Variants in LARGE1 observed in about 807,000 individuals in gnomAD.
LARGE1 encodes LARGE xylosyl- and glucuronyltransferase 1, also known as xylosyl- and glucuronyltransferase LARGE1.
Under a neutral mutation model 87.6 loss-of-function variants are expected in LARGE1, and 43 were observed. That is an observed-to-expected ratio of 0.49 (90% CI 0.38 to 0.63). The LOEUF (loss-of-function observed/expected upper bound fraction) is 0.63, where lower values mean the gene tolerates loss of function less well. Among genes scored for constraint, LARGE1 ranks in the 30% least tolerant of loss-of-function variants. LARGE1 has a pLI of 0.00. For missense variants in LARGE1, 802 were observed against 1,000.2 expected, an observed-to-expected ratio of 0.80 and a Z score of 2.67; for synonymous variants, 434 against 394.6, an observed-to-expected ratio of 1.10 and a Z score of -1.18.
intron 5 of LARGE1, among the ~76,000 whole-genome samples, chr22:33,572,417 A>G (rs1445232569): frequency 1.3e-5 from 2 of 152,178 alleles, no homozygotes; most frequent in Non-Finnish European, 2.9e-5. Context: ...GGCTGGCCCA[A>G]TTCTGAATCC....
At chr22:33,111,351 T>C in the LARGE1 span, among the ~76,000 whole-genome samples, 7 of 152,188 alleles carry the variant, frequency 4.6e-5, no homozygotes, top group Non-Finnish European at 7.4e-5. Context: ...TAACCCTTTG[T>C]TGCTAAGGAT....
At chr22:33,506,399 C>T (rs1288407613) in intron 6 of LARGE1, among the ~76,000 whole-genome samples, 1 of 152,124 alleles carries the variant, frequency 6.6e-6, no homozygotes, top group Non-Finnish European at 1.5e-5. Context: ...CAGAGACATG[C>T]TGTTCCTGTG....
chr22:33,458,056 G>A (rs1015443377), intron 6 of LARGE1, among the ~76,000 whole-genome samples: 35 of 151,782 alleles, frequency 2.3e-4, no homozygotes, highest in African/African-American at 8.5e-4. Context: ...CATCTAACTT[G>A]GTGCCAGATA....
intron 6 of LARGE1, among the ~76,000 whole-genome samples, chr22:33,453,587 T>C (rs539865795): frequency 4.6e-5 from 7 of 152,314 alleles, no homozygotes; most frequent in Admixed American, 2.6e-4. Flanking sequence ...CTCTTATCAC[T>C]GAAAAGCCAG....
At chr22:33,304,534 C>T (rs201798245) in intron 11 of LARGE1, 27 bp from the exon 12 acceptor site, 268 of 1,545,966 alleles carry the variant, frequency 1.7e-4, no homozygotes, top group East Asian at 1.1e-3. Flanking sequence ...GGGTGAGCCG[C>T]GGGACCTGGG....
intron 6 of LARGE1, among the ~76,000 whole-genome samples, chr22:33,513,479 T>A (rs1293083200): frequency 6.6e-6 from 1 of 152,072 alleles, no homozygotes; most frequent in Non-Finnish European, 1.5e-5. Flanking sequence ...GGGTCCTGAA[T>A]CTTACAAATG....
chr22:33,511,653 C>T (rs1430752922), intron 6 of LARGE1, among the ~76,000 whole-genome samples: 1 of 152,212 alleles, frequency 6.6e-6, no homozygotes, highest in Non-Finnish European at 1.5e-5. Flanking sequence ...GGAATGCATT[C>T]AGCTCTGCAT....
intron 6 of LARGE1, among the ~76,000 whole-genome samples, chr22:33,459,446 T>C (rs943992427): frequency 7.3e-5 from 11 of 150,194 alleles, no homozygotes; most frequent in African/African-American, 2.7e-4. Flanking sequence ...TCTCTCTTTT[T>C]TTTTTTTTTT....
At chr22:33,807,864 C>A (rs2086364893) in intron 1 of LARGE1, among the ~76,000 whole-genome samples, 1 of 152,134 alleles carries the variant, frequency 6.6e-6, no homozygotes, top group African/African-American at 2.4e-5. Context: ...AATAATATTC[C>A]ATTGCCTGGA....
At chr22:33,098,461 T>C in the LARGE1 span, among the ~76,000 whole-genome samples, 3 of 150,244 alleles carry the variant, frequency 2.0e-5, no homozygotes, top group Admixed American at 2.0e-4. Context: ...CTACTAAAAA[T>C]ACAAAAAAAA....
chr22:33,551,454 T>C (rs2077518498), intron 6 of LARGE1, among the ~76,000 whole-genome samples: 1 of 152,234 alleles, frequency 6.6e-6, no homozygotes, highest in South Asian at 2.1e-4. Flanking sequence ...TGCTTAGCCT[T>C]CACATGGCTA....
chr22:33,209,731 G>A (rs917240363), intron 11 of LARGE1, among the ~76,000 whole-genome samples: 2 of 152,080 alleles, frequency 1.3e-5, no homozygotes, highest in Admixed American at 1.3e-4. Flanking sequence ...CTGCAGCCTC[G>A]ACCTCCTGGG....
At chr22:33,399,445 T>C (rs951321548) in intron 7 of LARGE1, among the ~76,000 whole-genome samples, 28 of 152,328 alleles carry the variant, frequency 1.8e-4, no homozygotes, top group African/African-American at 6.0e-4. Flanking sequence ...GCAATAAACA[T>C]ACGTGTGCAT....
intron 1 of LARGE1, among the ~76,000 whole-genome samples, chr22:33,887,614 T>C (rs895857020): frequency 6.6e-6 from 1 of 152,010 alleles, no homozygotes; most frequent in Non-Finnish European, 1.5e-5. Flanking sequence ...GGTGGGTGCC[T>C]GTAATCCCAG....
chr22:33,175,994 A>C (rs150553186), intron 11 of LARGE1, among the ~76,000 whole-genome samples: 25,380 of 152,116 alleles, frequency 0.17, 2,263 homozygotes, highest in South Asian at 0.32. Context: ...TGCAGAAATA[A>C]CACCACACAT....
chr22:33,783,909 TG>T (rs920420884), intron 1 of LARGE1, among the ~76,000 whole-genome samples: 2 of 152,164 alleles, frequency 1.3e-5, no homozygotes, highest in African/African-American at 4.8e-5. Context: ...CTTTCCTCAA[TG>T]GGCTCTAAAA....
At chr22:33,094,366 C>G in the LARGE1 span, among the ~76,000 whole-genome samples, 1 of 152,092 alleles carries the variant, frequency 6.6e-6, no homozygotes, top group Non-Finnish European at 1.5e-5. Context: ...CCTTTCAACT[C>G]CAATTCCCTC....
chr22:33,480,023 G>C (rs1161294638), intron 6 of LARGE1, among the ~76,000 whole-genome samples: 2 of 152,162 alleles, frequency 1.3e-5, no homozygotes, highest in Non-Finnish European at 2.9e-5. Context: ...GGGATTACAG[G>C]CGTGAACCAC....
rs537711261 is a variant in LARGE1 at position 33,537,128 on chromosome 22, G to A, written c.787+27720C>T. Among the ~76,000 whole-genome samples, 4 of 152,284 alleles carry A rather than the reference G, an allele frequency of 2.6e-5. No homozygotes were observed. In the East Asian group the frequency reaches 7.7e-4, roughly 29 times the overall value. On this transcript the variant is annotated intron_variant, in intron 6 of 14. Transcript: ENST00000397394. ...GCCCAGTGAAAGGCCATTTAAAGAA[G>A]TGTGTCAGTTTTCCTATTCCTTCTG... is the stretch of plus-strand genomic sequence containing the variant.
Sources: allele counts gnomAD v4.1 joint callset (sites outside exome capture counted in the v4.1 genomes callset), GRCh38; gene constraint gnomAD v4.1.1; transcripts MANE v1.5; gene names NCBI Gene and HGNC (gene_info 2026-07-23, HGNC 2026-07-21).